Variants in C5orf52 observed in about 807,000 individuals in gnomAD.
The protein encoded by C5orf52 is chromosome 5 open reading frame 52.
C5orf52 carries 15 observed loss-of-function variants against 16.8 expected under a neutral mutation model. That is an observed-to-expected ratio of 0.89 (90% CI 0.60 to 1.38). C5orf52 has a LOEUF of 1.38. Among genes scored for constraint, C5orf52 ranks in the 40% most tolerant of loss-of-function variants. C5orf52 has a pLI of 0.00. For synonymous variants in C5orf52, 83 were observed against 87.2 expected, an observed-to-expected ratio of 0.95 and a Z score of 0.27; for missense variants, 206 against 213.1, an observed-to-expected ratio of 0.97 and a Z score of 0.21.
upstream of C5orf52, chr5:157,671,324 G>C (rs1041761356): frequency 1.7e-5 from 8 of 464,430 alleles, no homozygotes; most frequent in African/African-American, 1.6e-4. Context: ...GGTCTGCTCA[G>C]CTCACCGCAC....
chr5:157,676,299 C>G (rs1413887558), intron 2 of C5orf52, among the ~76,000 whole-genome samples: 2 of 152,142 alleles, frequency 1.3e-5, no homozygotes, highest in Non-Finnish European at 2.9e-5. Context: ...TCTCAAACTC[C>G]TGACCTCAGG....
intron 2 of C5orf52, 144 bp downstream of exon 2, chr5:157,675,344 C>A: frequency 1.7e-6 from 1 of 586,058 alleles, no homozygotes; most frequent in South Asian, 2.3e-5. Flanking sequence ...ACAGAGGAGG[C>A]AATTGATACT....
intron 2 of C5orf52, among the ~76,000 whole-genome samples, chr5:157,677,568 T>C (rs1390976426): frequency 6.8e-6 from 1 of 147,428 alleles, no homozygotes; most frequent in Non-Finnish European, 1.5e-5. Flanking sequence ...GCAGGAGAAT[T>C]GCTTGAACCC....
At chr5:157,677,669 AGAAAAG>A in intron 2 of C5orf52, among the ~76,000 whole-genome samples, 1 of 137,752 alleles carries the variant, frequency 7.3e-6, no homozygotes, top group African/African-American at 3.0e-5. Context: ...AAAAAAAAAA[AGAAAAG>A]AAAAGAAAAG....
intron 2 of C5orf52, among the ~76,000 whole-genome samples, chr5:157,676,230 G>A (rs1021848985): frequency 4.6e-5 from 7 of 151,956 alleles, no homozygotes; most frequent in Middle Eastern, 3.2e-3. Flanking sequence ...GCACCACTAC[G>A]CCCGTCTAAT....
At position 157,675,188 on chromosome 5, in the gene C5orf52, C is replaced by T; in HGVS notation, c.309C>T (p.Ile103=). ...IIHDNRITQR[I]YEMEVSALEK... is the part of the protein sequence containing the mutation. The stretch of plus-strand genomic sequence containing the variant: ...ATGATAACCGCATCACACAACGAAT[C>T]TATGAGATGGAGGTAAAGTAGCCAC... The change falls in exon 2 of 3, where the codon ATC becomes ATT. Residue 103 remains isoleucine, a synonymous_variant. Transcript: ENST00000409999. The T allele has an allele frequency of 6.5e-7, 1 of 1,544,164 alleles. No homozygotes were observed. Among genetic ancestry groups the T allele is most frequent in the Non-Finnish European group, 8.8e-7 (1 of 1,140,396 alleles).
chr5:157,671,760 G>C lies in C5orf52; in HGVS notation c.146G>C (p.Gly49Ala), dbSNP rs1297578800. The change falls in exon 1 of 3, where the codon GGC becomes GCC. Residue 49 changes from glycine to alanine, a missense_variant. By Grantham distance (60) the Gly-to-Ala change is moderately conservative. Coordinates refer to ENST00000409999, the MANE Select transcript of C5orf52 (RefSeq NM_001145132.2). ...AGACTCGGCCGCCGCCCAGAAATCG[G>C]CGTAGGGGGTCAGCCGCAGATCTGC... ...RDRLGRRPEI[G>A]VGGQPQICFP... The C allele has an allele frequency of 6.4e-7, 1 of 1,550,968 alleles. No individual in the cohort carries two copies. Among genetic ancestry groups the C allele is most frequent in the Non-Finnish European group, 8.7e-7 (1 of 1,146,780 alleles).
intron 1 of C5orf52, among the ~76,000 whole-genome samples, 190 bp downstream of exon 1, chr5:157,672,016 C>G (rs977066582): frequency 6.6e-6 from 1 of 152,242 alleles, no homozygotes; most frequent in African/African-American, 2.4e-5. Flanking sequence ...GCCCGAACTC[C>G]CTCGCCCCGG....
At position 157,679,878 on chromosome 5, in the gene C5orf52, A is replaced by C; in HGVS notation, c.359A>C (p.His120Pro). The C allele has an allele frequency of 1.3e-6, 2 of 1,551,720 alleles. No individual in the cohort carries two copies. The highest frequency in any genetic ancestry group is 1.7e-6 in the Non-Finnish European group (2 of 1,146,992). The change falls in exon 3 of 3, where the codon CAC becomes CCC. Residue 120 changes from histidine to proline, a missense_variant. Transcript: ENST00000409999. Reference sequence around the variant, plus strand: ...GAGAAGACCAAGAAAAAGATCAGCCACTACTATGAACACCTGAAAAAAAAG... The same window carrying C: ...GAGAAGACCAAGAAAAAGATCAGCCCCTACTATGAACACCTGAAAAAAAAG... ...ALEKTKKKIS[H>P]YYEHLKKKFM...
chr5:157,671,024 T>C (rs545567379), upstream of C5orf52, among the ~76,000 whole-genome samples: 1 of 152,276 alleles, frequency 6.6e-6, no homozygotes, highest in East Asian at 1.9e-4. Flanking sequence ...CTTCGCCTGC[T>C]CGGTGTCAAG....
upstream of C5orf52, chr5:157,671,232 G>A (rs546987309): frequency 4.5e-6 from 1 of 219,844 alleles, no homozygotes; most frequent in Admixed American, 5.8e-5. Context: ...CCATGCCGCT[G>A]AGCAGCCCCA....
intron 2 of C5orf52, among the ~76,000 whole-genome samples, chr5:157,675,723 C>A (rs931843844): frequency 6.6e-6 from 1 of 152,074 alleles, no homozygotes; most frequent in Non-Finnish European, 1.5e-5. Flanking sequence ...AACAAACAAA[C>A]AAAAAAACAG....
chr5:157,675,461 C>G (rs1759877194), intron 2 of C5orf52, among the ~76,000 whole-genome samples: 1 of 152,138 alleles, frequency 6.6e-6, no homozygotes, highest in Non-Finnish European at 1.5e-5. Flanking sequence ...CACATTATCT[C>G]TCTATTTAGG....
chr5:157,671,247 G>C (rs566767521), upstream of C5orf52: 47 of 249,458 alleles, frequency 1.9e-4, no homozygotes, highest in Non-Finnish European at 3.2e-4. Context: ...GCCCCACCCT[G>C]GCTCAACCCG....
intron 2 of C5orf52, among the ~76,000 whole-genome samples, chr5:157,677,681 A>G (rs901620845): frequency 6.6e-6 from 1 of 151,094 alleles, no homozygotes; most frequent in African/African-American, 2.4e-5. Flanking sequence ...AAAAGAAAAG[A>G]AAAGAAAATG....
At chr5:157,676,176 A>C (rs1422851784) in intron 2 of C5orf52, among the ~76,000 whole-genome samples, 1 of 152,070 alleles carries the variant, frequency 6.6e-6, no homozygotes, top group Non-Finnish European at 1.5e-5. Flanking sequence ...CGGGTTAAGC[A>C]ATTCTCCTGC....
chr5:157,671,091 C>T (rs1759771643), upstream of C5orf52, among the ~76,000 whole-genome samples: 1 of 152,150 alleles, frequency 6.6e-6, no homozygotes, highest in African/African-American at 2.4e-5. Context: ...AAGCCTTAGC[C>T]AAGGGTCTTC....
At chr5:157,675,295 T>G in intron 2 of C5orf52, 95 bp downstream of exon 2, 1 of 764,200 alleles carries the variant, frequency 1.3e-6, no homozygotes, top group South Asian at 1.7e-5. Context: ...ATAGAGGTGA[T>G]AGGGAGTCAT....
upstream of C5orf52, chr5:157,671,284 T>G: frequency 3.3e-6 from 1 of 301,022 alleles, no homozygotes; most frequent in Non-Finnish European, 6.1e-6. Flanking sequence ...CAGGCCGGGG[T>G]CACTGCAGTC....
Sources: gnomAD v4.1 joint callset for allele counts (sites outside exome capture counted in the v4.1 genomes callset) on GRCh38, gnomAD v4.1.1 for gene constraint, MANE v1.5 for transcripts, NCBI Gene and HGNC (gene_info 2026-07-23, HGNC 2026-07-21) for gene names.